SLC22A9: variants seen among roughly 807,000 people sequenced by gnomAD.
SLC22A9 encodes organic anion transporter 7.
A neutral mutation model predicts 50.1 loss-of-function variants in SLC22A9; 64 were observed. The ratio of observed to expected loss-of-function variants is 1.28; its 90% CI spans 1.04 to 1.57. The LOEUF (loss-of-function observed/expected upper bound fraction) is 1.57, where lower values mean the gene tolerates loss of function less well. Among genes scored for constraint, SLC22A9 ranks in the 40% most tolerant of loss-of-function variants. The probability of loss-of-function intolerance (pLI) is 0.00; values close to 1 mark genes in which losing one functional copy is unlikely to be tolerated. For synonymous variants in SLC22A9, 261 were observed against 242.5 expected (o/e 1.08, Z -0.71); for missense variants, 757 against 676.1 (o/e 1.12, Z -1.33).
intron 6 of SLC22A9, among the ~76,000 whole-genome samples, chr11:63,401,596 A>G (rs1267205781): frequency 1.3e-5 from 2 of 152,116 alleles, no homozygotes; most frequent in Non-Finnish European, 2.9e-5. Flanking sequence ...CAAAATACCA[A>G]TGACATTCTT....
In SLC22A9 at chr11:63,408,142, C is replaced by A; in HGVS notation, c.1319C>A (p.Thr440Lys). ...EMQTLREVLA[T>K]LGLGASALAN... The stretch of plus-strand genomic sequence containing the variant: ...CAGACGCTGCGTGAGGTTTTGGCAA[C>A]ACTGGGCTTAGGAGCGTCTGCTCTT... The change falls in exon 8 of 10, where the codon ACA (threonine) becomes AAA (lysine). Residue 440 changes from threonine (T) to lysine (K), a missense_variant. Transcript: ENST00000279178. 2 of 1,613,726 alleles carry A rather than the reference C, an allele frequency of 1.2e-6. No individual in the cohort carries two copies. Among genetic ancestry groups the A allele is most frequent in the Non-Finnish European group, 1.7e-6 (2 of 1,179,776 alleles).
rs150640442 is a variant in SLC22A9 at position 63,373,949 on chromosome 11, C to A, written c.717C>A (p.Cys239Ter). The stretch of plus-strand genomic sequence containing the variant: ...CCATGGGAATTACATTGGGAATGTG[C>A]CCTTCTGGTATTGCATTTATGACCC... ...FQAMGITLGM[C>*]PSGIAFMTLA... The change falls in exon 4 of 10, where the codon TGC (cysteine) becomes TGA (stop). Residue 239 changes from cysteine to a stop codon, truncating the protein, a stop_gained. Transcript: ENST00000279178. LOFTEE classifies it high-confidence loss of function. 6.2e-7 allele frequency: 1 copy of A among 1,613,514 alleles called. No homozygotes were observed. The highest frequency in any genetic ancestry group is 1.1e-5 in the South Asian group (1 of 91,072).
At chr11:63,385,240 C>T (rs2119923040) in intron 6 of SLC22A9, among the ~76,000 whole-genome samples, 1 of 148,054 alleles carries the variant, frequency 6.8e-6, no homozygotes, top group Non-Finnish European at 1.5e-5. Context: ...GTCCTGAATA[C>T]TGTTGCCTAG....
intron 1 of SLC22A9, 90 bp downstream of exon 1, chr11:63,370,548 T>G: frequency 2.1e-6 from 3 of 1,414,492 alleles, no homozygotes; most frequent in Non-Finnish European, 1.9e-6. Flanking sequence ...TTCAGTCACA[T>G]GTAGGTCCTT....
intron 6 of SLC22A9, among the ~76,000 whole-genome samples, chr11:63,394,425 T>C (rs1366142288): frequency 6.6e-6 from 1 of 152,182 alleles, no homozygotes; most frequent in Non-Finnish European, 1.5e-5. Context: ...GGCTTAGTAA[T>C]GGTGAATTCT....
chr11:63,405,186 A>C (rs923848012), intron 6 of SLC22A9, among the ~76,000 whole-genome samples: 1 of 152,158 alleles, frequency 6.6e-6, no homozygotes, highest in Non-Finnish European at 1.5e-5. Context: ...TAAAGAAATC[A>C]GGTGTGGGTC....
chr11:63,409,777 G>A (rs749486831), intron 9 of SLC22A9, 25 bp from the exon 10 acceptor site: 9 of 1,591,822 alleles, frequency 5.7e-6, no homozygotes, highest in Admixed American at 5.1e-5. Context: ...GTGATTTTTT[G>A]TTGGTTTCTT....
intron 6 of SLC22A9, among the ~76,000 whole-genome samples, chr11:63,402,344 C>T (rs1299518830): frequency 6.6e-6 from 1 of 152,046 alleles, no homozygotes; most frequent in Non-Finnish European, 1.5e-5. Flanking sequence ...GCCAGTTATC[C>T]AAGCACTATC....
At chr11:63,371,293 A>G in intron 2 of SLC22A9, 55 bp downstream of exon 2, 1 of 1,341,008 alleles carries the variant, frequency 7.5e-7, no homozygotes, top group Non-Finnish European at 1.1e-6. Context: ...CAACTTATGA[A>G]ACATTATTTC....
At position 63,373,800 on chromosome 11, in the gene SLC22A9, T is replaced by G. The variant is rs778924034; in HGVS notation, c.661+2T>G. 14 of 1,607,222 alleles carry G rather than the reference T, an allele frequency of 8.7e-6. No individual in the cohort carries two copies. Among genetic ancestry groups the G allele is most frequent in the Non-Finnish European group, 8.5e-6 (10 of 1,176,832 alleles). On this transcript the variant is annotated splice_donor_variant, in intron 3 of 9. Transcript: ENST00000279178. LOFTEE classifies it high-confidence loss of function. ...TCATAACAAATACTATTATGTTAAG[T>G]AAGCCAACACTTTGGATCCACATTT...
intron 6 of SLC22A9, among the ~76,000 whole-genome samples, chr11:63,402,445 A>G (rs2014966412): frequency 6.6e-6 from 1 of 152,014 alleles, no homozygotes; most frequent in Non-Finnish European, 1.5e-5. Flanking sequence ...TTTCTGGGTT[A>G]TCTAATGACT....
intron 6 of SLC22A9, among the ~76,000 whole-genome samples, chr11:63,406,001 CTT>C (rs1336921418): frequency 6.6e-6 from 1 of 152,122 alleles, no homozygotes; most frequent in East Asian, 1.9e-4. Flanking sequence ...CTCTTTGTCA[CTT>C]ACTTTAGCTT....
At chr11:63,399,819 A>T (rs1007383656) in intron 6 of SLC22A9, among the ~76,000 whole-genome samples, 1 of 152,170 alleles carries the variant, frequency 6.6e-6, no homozygotes, top group Non-Finnish European at 1.5e-5. Context: ...AGGAAATTTT[A>T]AAATTTCAGT....
At chr11:63,388,846 C>T (rs924542967) in intron 6 of SLC22A9, among the ~76,000 whole-genome samples, 1 of 151,934 alleles carries the variant, frequency 6.6e-6, no homozygotes, top group Admixed American at 6.6e-5. Context: ...TAGCTTTGAT[C>T]CCATTATTTT....
intron 6 of SLC22A9, among the ~76,000 whole-genome samples, chr11:63,390,868 T>G (rs1421022100): frequency 6.6e-6 from 1 of 152,056 alleles, no homozygotes; most frequent in African/African-American, 2.4e-5. Context: ...GATTTGGGGT[T>G]TGGTTTGCTC....
chr11:63,391,381 CT>C (rs2014761344), intron 6 of SLC22A9, among the ~76,000 whole-genome samples: 2 of 152,014 alleles, frequency 1.3e-5, no homozygotes, highest in Non-Finnish European at 2.9e-5. Flanking sequence ...TGTTGATTTT[CT>C]GTCTGGATGA....
At chr11:63,378,818 C>T (rs1211246143) in intron 5 of SLC22A9, among the ~76,000 whole-genome samples, 1 of 151,464 alleles carries the variant, frequency 6.6e-6, no homozygotes, top group African/African-American at 2.4e-5. Context: ...GCTAGGGAGG[C>T]AAGAGTTCTA....
intron 6 of SLC22A9, among the ~76,000 whole-genome samples, chr11:63,394,593 T>C (rs1303114205): frequency 6.6e-6 from 1 of 152,152 alleles, no homozygotes; most frequent in East Asian, 1.9e-4. Context: ...TGAGAAATCT[T>C]CTGTTAATCT....
chr11:63,378,444 A>G (rs1303995171), intron 5 of SLC22A9, among the ~76,000 whole-genome samples: 1 of 152,138 alleles, frequency 6.6e-6, no homozygotes, highest in Admixed American at 6.6e-5. Context: ...ACCTGGAAGC[A>G]GTCCCCTTGA....
Sources: gnomAD v4.1 joint callset for allele counts (sites outside exome capture counted in the v4.1 genomes callset) on GRCh38, gnomAD v4.1.1 for gene constraint, MANE v1.5 for transcripts, NCBI Gene and HGNC (gene_info 2026-07-23, HGNC 2026-07-21) for gene names.